SDK2: variants seen among roughly 807,000 people sequenced by gnomAD.
SDK2 encodes the protein protein sidekick-2.
SDK2 carries 105 observed loss-of-function variants against 253.9 expected under a neutral mutation model. The observed-to-expected ratio is 0.41, with a 90% CI of 0.35 to 0.49. SDK2 has a LOEUF of 0.49. Among genes scored for constraint, SDK2 ranks in the 20% least tolerant of loss-of-function variants. The pLI, the probability that SDK2 is intolerant of heterozygous loss-of-function variation, is 0.06. For missense variants in SDK2, 2,608 were observed against 3,003.0 expected (o/e 0.87, Z 3.07); for synonymous variants, 1,249 against 1,234.9 (o/e 1.01, Z -0.24).
At position 73,433,778 on chromosome 17, in the gene SDK2, T is replaced by C. The variant is rs1001954995; in HGVS notation, c.1266A>G (p.Ala422=). The C allele has an allele frequency of 3.1e-6, 5 of 1,608,576 alleles. No homozygotes were observed. Among genetic ancestry groups the C allele is most frequent in the Non-Finnish European group, 3.4e-6 (4 of 1,177,466 alleles). Reference sequence around the variant, plus strand: ...GTCGGGGCGCCCCCGAGGTCTCACATGCTAGCACCACTGACATGCCATCGA... The same window carrying C: ...GTCGGGGCGCCCCCGAGGTCTCACACGCTAGCACCACTGACATGCCATCGA... ...TVIDGMSVVL[A]CETSGAPRPA... The change falls in exon 10 of 45, where the codon GCA becomes GCG. Residue 422 remains alanine (A), a synonymous_variant. Transcript: ENST00000392650.
Position 73,348,737 on chromosome 17 carries a change from G to C in SDK2, c.6039-12C>G, listed in dbSNP as rs202012601. The C allele has an allele frequency of 1.0e-5, 16 of 1,600,796 alleles. No individual in the cohort carries two copies. The highest frequency in any genetic ancestry group is 7.7e-5 in the South Asian group (7 of 90,792). ...GCCTGGGGGGAGACCTGGAGAGAGCGGGGGAGTGGGGCCGAGAGGTGCACT... is the reference window on the plus strand; with the variant it reads ...GCCTGGGGGGAGACCTGGAGAGAGCCGGGGAGTGGGGCCGAGAGGTGCACT... On this transcript the variant is annotated splice_polypyrimidine_tract_variant and intron_variant, in intron 43 of 44. Transcript: ENST00000392650.
chr17:73,538,368 T>C (rs1341078225), intron 1 of SDK2, among the ~76,000 whole-genome samples: 2 of 152,100 alleles, frequency 1.3e-5, no homozygotes. Flanking sequence ...CCTTACCAGC[T>C]TTCCCTGGCC....
chr17:73,497,478 G>A (rs1216781587), intron 2 of SDK2, among the ~76,000 whole-genome samples: 1 of 152,118 alleles, frequency 6.6e-6, no homozygotes, highest in Non-Finnish European at 1.5e-5. Context: ...CTAGTTGCCT[G>A]TTGGACATCC....
intron 18 of SDK2, among the ~76,000 whole-genome samples, chr17:73,402,480 T>G (rs371381978): frequency 6.6e-6 from 1 of 152,202 alleles, no homozygotes. Context: ...AATGAAAAAT[T>G]TAGCCCTTGT....
intron 2 of SDK2, among the ~76,000 whole-genome samples, chr17:73,480,818 G>A (rs1027755106): frequency 1.3e-5 from 2 of 152,154 alleles, no homozygotes; most frequent in Non-Finnish European, 2.9e-5. Flanking sequence ...GCCAGAGGCC[G>A]GGTAGTTGGG....
intron 32 of SDK2, among the ~76,000 whole-genome samples, chr17:73,385,554 G>T (rs996547979): frequency 6.6e-6 from 1 of 152,156 alleles, no homozygotes; most frequent in Non-Finnish European, 1.5e-5. Context: ...GGGCCATTCG[G>T]GTCCCCTCCC....
rs2062397619 is a variant in SDK2 at position 73,338,217 on chromosome 17, T to C, written c.*370A>G. ...TGGCTGGACATCCAGAAGCTTTTTC[T>C]TCCCTCGGCCACGCCTGCCTGGCGG... On this transcript the variant is annotated 3_prime_UTR_variant, in exon 45 of 45. Coordinates refer to ENST00000392650, the MANE Select transcript of SDK2 (RefSeq NM_001144952.2). This position sits in a 1 kb window ranked among gnomAD's most constrained non-coding sequence, Gnocchi z 5.0. 1 of 374,756 alleles carries C rather than the reference T, an allele frequency of 2.7e-6. No individual in the cohort carries two copies. The highest frequency in any genetic ancestry group is 2.1e-5 in the African/African-American group (1 of 47,336). The allele number at this position is 374,756 out of a possible 1,614,324, so 23.2% of individuals were successfully genotyped here.
At chr17:73,397,189 G>A (rs936050436) in intron 24 of SDK2, among the ~76,000 whole-genome samples, 1 of 152,150 alleles carries the variant, frequency 6.6e-6, no homozygotes, top group Non-Finnish European at 1.5e-5. Context: ...TGTGGTATGT[G>A]GTGCTGTTCC....
intron 1 of SDK2, among the ~76,000 whole-genome samples, chr17:73,582,261 C>T (rs1203641158): frequency 6.2e-5 from 9 of 146,226 alleles, no homozygotes; most frequent in African/African-American, 1.0e-4. Flanking sequence ...GCGCACACCA[C>T]GCAGGCATCA....
chr17:73,395,159 C>G lies in SDK2; in HGVS notation c.3588G>C (p.Glu1196Asp), dbSNP rs778143441. 3.1e-6 allele frequency: 5 copies of G among 1,587,760 alleles called. No homozygotes were observed. Among genetic ancestry groups the G allele is most frequent in the South Asian group, 1.1e-5 (1 of 87,582 alleles). Residue 1196 changes from glutamate (E) to aspartate (D), a missense_variant, in exon 25 of 45, where the codon GAG becomes GAC. This residue lies in a region of SDK2 where 1,505 missense variants were observed against 1,859.1 expected (regional missense o/e 0.81). Coordinates refer to ENST00000392650, the MANE Select transcript of SDK2 (RefSeq NM_001144952.2). This position sits in a 1 kb window ranked among gnomAD's most constrained non-coding sequence, Gnocchi z 4.3. ...CTGGGTGTGAGGGGTTGGTACCTGA[C>G]TCCCGGGTCCTGCCCACCACCGTCT... ...WSQTVVGRTR[E>D]SVPSSGPTNV...
Position 73,643,978 on chromosome 17 carries a change from C to CCCCCAA in SDK2, c.64+46_64+47insTTGGGG. ...CAGCTCCCGCCGCCCCTCCCCCGCC[C>CCCCCAA]ACTCTCCCAGCCCCCTCCCTGTCCC... On this transcript the variant is annotated intron_variant, in intron 1 of 44. Transcript: ENST00000392650. The surrounding 1 kb of genome is among the most constrained non-coding windows in gnomAD (Gnocchi z 6.9). 1 of 1,223,454 alleles carries CCCCCAA rather than the reference C, an allele frequency of 8.2e-7. No individual in the cohort carries two copies. Among genetic ancestry groups the CCCCCAA allele is most frequent in the Non-Finnish European group, 1.2e-6 (1 of 858,374 alleles). The allele number at this position is 1,223,454 out of a possible 1,614,324, so 75.8% of individuals were successfully genotyped here.
intron 12 of SDK2, among the ~76,000 whole-genome samples, chr17:73,427,557 A>T (rs549710017): frequency 6.7e-6 from 1 of 149,848 alleles, no homozygotes; most frequent in African/African-American, 2.4e-5. Context: ...TTCTCCAACA[A>T]ATCAATTACA....
chr17:73,378,702 G>A (rs1038822535), intron 36 of SDK2, among the ~76,000 whole-genome samples: 16 of 152,312 alleles, frequency 1.1e-4, no homozygotes, highest in South Asian at 4.2e-4. Context: ...TTAAAGGTGT[G>A]AGCCACCGCG....
At chr17:73,472,505 A>C (rs1013667599) in intron 2 of SDK2, among the ~76,000 whole-genome samples, 5 of 152,198 alleles carry the variant, frequency 3.3e-5, no homozygotes, top group Admixed American at 2.0e-4. Flanking sequence ...CCTGACCCTA[A>C]GGCTGTGTCA....
At chr17:73,579,143 G>A (rs1321910043) in intron 1 of SDK2, among the ~76,000 whole-genome samples, 1 of 151,324 alleles carries the variant, frequency 6.6e-6, no homozygotes, top group Non-Finnish European at 1.5e-5. Flanking sequence ...CCCTATTGCT[G>A]CACGTCTGGC....
At chr17:73,536,907 A>G (rs1402010548) in intron 1 of SDK2, among the ~76,000 whole-genome samples, 1 of 152,164 alleles carries the variant, frequency 6.6e-6, no homozygotes, top group African/African-American at 2.4e-5. Context: ...AATGGGATCA[A>G]CATCTCTGTC....
chr17:73,599,209 G>T (rs2045803612), intron 1 of SDK2, among the ~76,000 whole-genome samples: 1 of 152,210 alleles, frequency 6.6e-6, no homozygotes, highest in Admixed American at 6.5e-5. Context: ...AAGGAGGAAG[G>T]TAGGTAGGTA....
Position 73,336,991 on chromosome 17 carries a change from A to C in SDK2, c.*1596T>G, listed in dbSNP as rs1237880419. The C allele has an allele frequency of 2.0e-5, 3 of 152,362 alleles. No individual in the cohort carries two copies. Among genetic ancestry groups the C allele is most frequent in the Non-Finnish European group, 2.9e-5 (2 of 68,170 alleles). The allele number at this position is 152,362 out of a possible 1,614,324, so 9.4% of individuals were successfully genotyped here. A position where few individuals can be genotyped will look rare whatever the true frequency, so the allele number is the denominator to read the frequency against. ...ATCCGTAAGTACCAAGTGGACGGGAAGATCCTGGCCACTGGATGTGGCTTT... is the reference window on the plus strand; with the variant it reads ...ATCCGTAAGTACCAAGTGGACGGGACGATCCTGGCCACTGGATGTGGCTTT... On this transcript the variant is annotated 3_prime_UTR_variant, in exon 45 of 45. Transcript: ENST00000392650.
rs1170714979 is a variant in SDK2 at position 73,449,673 on chromosome 17, C to T, written c.480-1925G>A. ...CAGTGGCTCACGCCTGTAATCCCAG[C>T]ATTTTGGGAGGCTGAAGTAGGTGGA... On this transcript the variant is annotated intron_variant, in intron 4 of 44. Coordinates refer to ENST00000392650, the MANE Select transcript of SDK2 (RefSeq NM_001144952.2). Among the ~76,000 whole-genome samples, 3 of 140,996 alleles carry T rather than the reference C, an allele frequency of 2.1e-5. No individual in the cohort carries two copies. The East Asian group carries it at 6.3e-4, about 29-fold the overall frequency. The allele number at this position is 140,996 out of a possible 152,430, so 92.5% of individuals were successfully genotyped here.
Sources: allele counts gnomAD v4.1 joint callset (sites outside exome capture counted in the v4.1 genomes callset), GRCh38; gene constraint gnomAD v4.1.1; regional missense constraint gnomAD v4.1.1; non-coding constraint Gnocchi (gnomAD v3.1); transcripts MANE v1.5; gene names NCBI Gene and HGNC (gene_info 2026-07-23, HGNC 2026-07-21).